The following TJP3 variants were observed in gnomAD, a reference collection of about 807,000 sequenced individuals.
TJP3 encodes tight junction protein ZO-3.
In TJP3, 85 loss-of-function variants were observed where a neutral mutation model predicts 104.2. The ratio of observed to expected loss-of-function variants is 0.82; its 90% confidence interval spans 0.68 to 0.98. TJP3 has a LOEUF of 0.98. Among genes scored for constraint, TJP3 ranks in the 50% least tolerant of loss-of-function variants. The pLI, the probability that TJP3 is intolerant of heterozygous loss-of-function variation, is 0.00. For missense variants in TJP3, 1,367 were observed against 1,322.8 expected, an observed-to-expected ratio of 1.03 and a Z score of -0.52; for synonymous variants, 550 against 550.6, an observed-to-expected ratio of 1.00 and a Z score of 0.02.
chr19:3,748,848 CTTTTTTTTT>C (rs71166925), intron 19 of TJP3, among the ~76,000 whole-genome samples: 1,377 of 48,776 alleles, frequency 0.028, 14 homozygotes, highest in Admixed American at 0.039. Context: ...TGCACCCGGC[CTTTTTTTTT>C]TTTTTTTTTT....
At chr19:3,714,726 C>T (rs984510722) in intron 1 of TJP3, among the ~76,000 whole-genome samples, 1 of 152,080 alleles carries the variant, frequency 6.6e-6, no homozygotes, top group African/African-American at 2.4e-5. Context: ...CCCTGATCCA[C>T]TGGGGGACCT....
intron 20 of TJP3, 89 bp from the exon 21 acceptor site, chr19:3,750,493 A>T (rs1383016513): frequency 4.3e-6 from 5 of 1,155,552 alleles, no homozygotes; most frequent in Admixed American, 4.1e-5. Context: ...GCCCACACCC[A>T]CTGTGCCTAG....
At chr19:3,712,582 C>T (rs1390092658) in intron 1 of TJP3, among the ~76,000 whole-genome samples, 1 of 152,186 alleles carries the variant, frequency 6.6e-6, no homozygotes, top group Non-Finnish European at 1.5e-5. Context: ...GGCTGGAATT[C>T]ACATGGGCTC....
rs1339738551 is a variant in TJP3, at chr19:3,746,706, G to T, written c.2221+11G>T. 1 of 1,606,014 alleles carries T rather than the reference G, an allele frequency of 6.2e-7. No individual in the cohort carries two copies. The highest frequency in any genetic ancestry group is 1.1e-5 in the South Asian group (1 of 90,094). On this transcript the variant is annotated intron_variant, in intron 17 of 20. Coordinates refer to ENST00000541714, the MANE Select transcript of TJP3 (RefSeq NM_001267560.2). This position sits in a 1 kb window ranked among gnomAD's most constrained non-coding sequence, Gnocchi z 4.1. ...GCCACCTCTTCACAGGTTGGGGGGT[G>T]GGTGTCCCAGGGTAGGCGGGTGGGC...
intron 15 of TJP3, among the ~76,000 whole-genome samples, chr19:3,745,665 T>C (rs2036877621): frequency 6.6e-6 from 1 of 152,136 alleles, no homozygotes. Flanking sequence ...GAGTTGGAAC[T>C]GAGTCTGGGA....
rs1599155001 is a variant in TJP3, at chr19:3,734,203, T to G, written c.878-124T>G. 2.3e-5 allele frequency: 25 copies of G among 1,083,242 alleles called. No individual in the cohort carries two copies. In the East Asian group the frequency reaches 5.7e-4, roughly 25 times the overall value. 67.1% of individuals were successfully genotyped at this position (1,083,242 alleles called of 1,614,324 possible). On this transcript the variant is annotated intron_variant, in intron 7 of 20. Transcript: ENST00000541714. ...TGCCCAGCTCCAGAGCCGAATCTTC[T>G]AACTGAGCTTCTGACTTTGGTCTAG...
Position 3,733,821 on chromosome 19 carries a change from G to A in TJP3, c.786G>A (p.Gly262=). The change falls in exon 7 of 21, where the codon GGG becomes GGA. Residue 262 remains glycine, a synonymous_variant. Coordinates refer to ENST00000541714, the MANE Select transcript of TJP3 (RefSeq NM_001267560.2). ...DTRRLIEKSE[G]KLSLLVLRDR... is the part of the protein sequence containing the mutation. ...GGCGACTGATTGAGAAGTCAGAAGGGAAGCTAAGCCTGCTGGTGCTGAGAG... is the reference window on the plus strand; with the variant it reads ...GGCGACTGATTGAGAAGTCAGAAGGAAAGCTAAGCCTGCTGGTGCTGAGAG... The A allele has an allele frequency of 6.2e-7, 1 of 1,614,222 alleles. No individual in the cohort carries two copies. Among genetic ancestry groups the A allele is most frequent in the Non-Finnish European group, 8.5e-7 (1 of 1,180,036 alleles).
chr19:3,728,091 T>C (rs1257538817), intron 1 of TJP3, among the ~76,000 whole-genome samples: 1 of 150,228 alleles, frequency 6.7e-6, no homozygotes, highest in Admixed American at 6.7e-5. Context: ...AATATAAAGA[T>C]TAGCCAGGTG....
chr19:3,721,334 C>T (rs1292512936), intron 1 of TJP3, among the ~76,000 whole-genome samples: 2 of 152,130 alleles, frequency 1.3e-5, no homozygotes, highest in East Asian at 1.9e-4. Flanking sequence ...CTCCGGTTCC[C>T]CTCTGTGGAA....
At chr19:3,709,030 C>T (rs923851756) in intron 1 of TJP3, among the ~76,000 whole-genome samples, 13 of 152,100 alleles carry the variant, frequency 8.5e-5, no homozygotes, top group Admixed American at 5.9e-4. Flanking sequence ...GAAACAACTG[C>T]GTCTCCCGCC....
chr19:3,724,881 TAA>T (rs370381790), intron 1 of TJP3, among the ~76,000 whole-genome samples: 3 of 143,884 alleles, frequency 2.1e-5, no homozygotes, highest in Admixed American at 7.0e-5. Flanking sequence ...CAAAGCAGGT[TAA>T]AAAAAAAAAA....
At chr19:3,713,958 C>T (rs951963830) in intron 1 of TJP3, among the ~76,000 whole-genome samples, 11 of 151,730 alleles carry the variant, frequency 7.2e-5, no homozygotes, top group African/African-American at 2.7e-4. Context: ...ATCTCTTGAC[C>T]TCGTGATCCA....
chr19:3,740,272 G>A (rs1450341037), intron 13 of TJP3, among the ~76,000 whole-genome samples: 2 of 152,206 alleles, frequency 1.3e-5, no homozygotes, highest in African/African-American at 4.8e-5. Context: ...GCTGGGCGTG[G>A]TGGCGGGCAC....
chr19:3,722,907 C>G (rs1389440960), intron 1 of TJP3, among the ~76,000 whole-genome samples: 2 of 62,214 alleles, frequency 3.2e-5, no homozygotes, highest in African/African-American at 6.4e-5. Context: ...TACCCGGGGG[C>G]GGTGTGACTT....
At chr19:3,738,766 C>A in intron 12 of TJP3, 103 bp downstream of exon 12, 1 of 1,319,456 alleles carries the variant, frequency 7.6e-7, no homozygotes, top group Non-Finnish European at 1.1e-6. Context: ...TGCATCTCTG[C>A]ACCCTCCATC....
At chr19:3,713,555 A>T (rs2036451503) in intron 1 of TJP3, among the ~76,000 whole-genome samples, 1 of 152,122 alleles carries the variant, frequency 6.6e-6, no homozygotes, top group Non-Finnish European at 1.5e-5. Context: ...GACGTGAATA[A>T]AGTGTGGAGT....
At position 3,746,667 on chromosome 19, in the gene TJP3, G is replaced by A. The variant is rs2036896856; in HGVS notation, c.2193G>A (p.Leu731=). ...GCCTCTACGCACAAGCCCAGAAGCT[G>A]CGAAAACACAGCAGCCACCTCTTCA... ...TRRLYAQAQK[L]RKHSSHLFTA... Residue 731 remains leucine (L), a synonymous_variant, in exon 17 of 21, where the codon CTG becomes CTA. Transcript: ENST00000541714. This position sits in a 1 kb window ranked among gnomAD's most constrained non-coding sequence, Gnocchi z 4.1. 6.2e-7 allele frequency: 1 copy of A among 1,612,938 alleles called. No individual in the cohort carries two copies. The highest frequency in any genetic ancestry group is 8.5e-7 in the Non-Finnish European group (1 of 1,179,656).
intron 1 of TJP3, among the ~76,000 whole-genome samples, chr19:3,727,483 CAAAA>C (rs36057859): frequency 8.1e-5 from 7 of 86,626 alleles, no homozygotes; most frequent in Admixed American, 1.2e-4. Context: ...AACTCTGTCT[CAAAA>C]AAAAAAAAAA....
chr19:3,715,515 C>T (rs954609492), intron 1 of TJP3, among the ~76,000 whole-genome samples: 1 of 152,112 alleles, frequency 6.6e-6, no homozygotes, highest in African/African-American at 2.4e-5. Context: ...TACTAGGGAG[C>T]CATCGAGTGT....
Sources: allele counts gnomAD v4.1 joint callset (sites outside exome capture counted in the v4.1 genomes callset), GRCh38; gene constraint gnomAD v4.1.1; non-coding constraint Gnocchi (gnomAD v3.1); transcripts MANE v1.5; gene names NCBI Gene and HGNC (gene_info 2026-07-23, HGNC 2026-07-21).